Variants in R3HDM2 observed in about 807,000 individuals in gnomAD.
The protein encoded by R3HDM2 is R3H domain containing 2.
In R3HDM2, 38 loss-of-function variants were observed where a neutral mutation model predicts 124.5. The ratio of observed to expected loss-of-function variants is 0.31; its 90% CI spans 0.24 to 0.40. R3HDM2 has a LOEUF of 0.40. R3HDM2 is among the 10% of genes least tolerant of loss of function. R3HDM2 has a pLI of 1.00. For missense variants in R3HDM2, 869 were observed against 1,236.9 expected, an observed-to-expected ratio of 0.70 and a Z score of 4.46; for synonymous variants, 391 against 448.0, an observed-to-expected ratio of 0.87 and a Z score of 1.61.
chr12:57,348,565 A>G (rs1180264388), intron 2 of R3HDM2, among the ~76,000 whole-genome samples: 1 of 152,174 alleles, frequency 6.6e-6, no homozygotes, highest in African/African-American at 2.4e-5. Flanking sequence ...GTGGTGGCAC[A>G]CGCCTGTAAT....
At chr12:57,322,518 T>C (rs868542665) in intron 2 of R3HDM2, among the ~76,000 whole-genome samples, 1 of 152,214 alleles carries the variant, frequency 6.6e-6, no homozygotes, top group Non-Finnish European at 1.5e-5. Context: ...CTTCAACTCA[T>C]ATCCACCAAG....
intron 12 of R3HDM2, among the ~76,000 whole-genome samples, chr12:57,288,378 G>GTCTCTC (rs762285422): frequency 6.6e-6 from 1 of 150,658 alleles, no homozygotes; most frequent in Admixed American, 6.6e-5. Context: ...GTCCGTATAT[G>GTCTCTC]TCTCTCTCTC....
chr12:57,345,137 A>C (rs989128931), intron 2 of R3HDM2, among the ~76,000 whole-genome samples: 1 of 151,364 alleles, frequency 6.6e-6, no homozygotes. Flanking sequence ...ACTGGCCTAA[A>C]AAAATTTCCT....
At chr12:57,385,169 TAAG>T (rs896530806) in intron 2 of R3HDM2, among the ~76,000 whole-genome samples, 3 of 145,348 alleles carry the variant, frequency 2.1e-5, no homozygotes, top group Admixed American at 1.4e-4. Context: ...AACAAACAAA[TAAG>T]AAGAAAAGTA....
intron 1 of R3HDM2, among the ~76,000 whole-genome samples, chr12:57,428,616 C>A (rs1420437925): frequency 6.6e-6 from 1 of 152,062 alleles, no homozygotes; most frequent in Non-Finnish European, 1.5e-5. Flanking sequence ...GATTGCACCA[C>A]TGCGCTCCAC....
intron 1 of R3HDM2, among the ~76,000 whole-genome samples, chr12:57,420,103 A>C (rs914309364): frequency 5.3e-5 from 8 of 152,130 alleles, no homozygotes; most frequent in Non-Finnish European, 1.0e-4. Flanking sequence ...TGAAGGGGAT[A>C]ATAATTCTAC....
chr12:57,386,440 G>A (rs143334404), intron 2 of R3HDM2, among the ~76,000 whole-genome samples: 3 of 152,262 alleles, frequency 2.0e-5, no homozygotes, highest in South Asian at 2.1e-4. Flanking sequence ...GGGCAGTGAG[G>A]GGCTTAGCAC....
intron 2 of R3HDM2, among the ~76,000 whole-genome samples, chr12:57,376,897 G>T (rs1306780831): frequency 6.6e-6 from 1 of 151,738 alleles, no homozygotes; most frequent in Non-Finnish European, 1.5e-5. Flanking sequence ...GTTGCAATGA[G>T]CCGAGATGAC....
chr12:57,305,973 G>C (rs2052485153), intron 3 of R3HDM2, among the ~76,000 whole-genome samples: 1 of 152,300 alleles, frequency 6.6e-6, no homozygotes, highest in South Asian at 2.1e-4. Context: ...GTTTTCAAAG[G>C]CTTCCTAGAG....
Position 57,428,904 on chromosome 12 carries a change from G to A in R3HDM2, c.-106+1816C>T, listed in dbSNP as rs149343617. Among the ~76,000 whole-genome samples, 532 of 151,884 alleles carry A rather than the reference G, an allele frequency of 3.5e-3. 2 individuals carry two copies. Among genetic ancestry groups the A allele is most frequent in the African/African-American group, 0.012 (503 of 41,436 alleles). ...TGAGATTACAGGTGCCTGCCACCAC[G>A]CCTGGCTACTTTTTGTATTTTTAGT... On this transcript the variant is annotated intron_variant, in intron 1 of 23. Coordinates refer to ENST00000402412, the MANE Select transcript of R3HDM2 (RefSeq NM_001394031.1).
chr12:57,287,598 TAC>T (rs1372260603), intron 12 of R3HDM2, among the ~76,000 whole-genome samples: 1 of 152,142 alleles, frequency 6.6e-6, no homozygotes, highest in Admixed American at 6.5e-5. Flanking sequence ...AAAGGACAAC[TAC>T]AGTAGTAGGA....
At chr12:57,346,138 C>A (rs998044857) in intron 2 of R3HDM2, among the ~76,000 whole-genome samples, 7 of 123,336 alleles carry the variant, frequency 5.7e-5, no homozygotes, top group Non-Finnish European at 9.8e-5. Flanking sequence ...GCCTGGGCAA[C>A]AAGAGCAAAA....
chr12:57,288,143 C>G (rs1394370851), intron 12 of R3HDM2, among the ~76,000 whole-genome samples: 1 of 151,608 alleles, frequency 6.6e-6, no homozygotes, highest in African/African-American at 2.4e-5. Flanking sequence ...CTCAGCCTCC[C>G]GAGAGGCACC....
rs1169158953 is a variant in R3HDM2 at position 57,254,734 on chromosome 12, C to T, written c.*39G>A. 6.9e-7 allele frequency: 1 copy of T among 1,456,524 alleles called. No homozygotes were observed. The highest frequency in any genetic ancestry group is 1.3e-5 in the South Asian group (1 of 76,718). 90.2% of individuals were successfully genotyped at this position (1,456,524 alleles called of 1,614,324 possible). ...GATCCTTCAACCCCCTCCACCCTGC[C>T]CTTGCTCCTTCTGTGACAGTCCCTT... On this transcript the variant is annotated 3_prime_UTR_variant, in exon 24 of 24. Coordinates refer to ENST00000402412, the MANE Select transcript of R3HDM2 (RefSeq NM_001394031.1).
intron 1 of R3HDM2, among the ~76,000 whole-genome samples, chr12:57,396,223 T>A (rs2067480339): frequency 6.8e-6 from 1 of 147,052 alleles, no homozygotes; most frequent in South Asian, 2.2e-4. Context: ...GTGGATCACT[T>A]GAGGTCAGGA....
At chr12:57,288,745 A>G (rs149380646) in intron 12 of R3HDM2, 1 of 916,744 alleles carries the variant, frequency 1.1e-6, no homozygotes, top group Admixed American at 2.8e-5. Flanking sequence ...CCACAAATTT[A>G]ATTATTCCAC....
At chr12:57,318,003 G>A (rs1474496759) in intron 2 of R3HDM2, among the ~76,000 whole-genome samples, 9 of 124,506 alleles carry the variant, frequency 7.2e-5, no homozygotes, top group Non-Finnish European at 1.3e-4. Flanking sequence ...AAAAAAAAAA[G>A]GAATGGCTGG....
chr12:57,391,241 C>T (rs1362753438), intron 2 of R3HDM2, among the ~76,000 whole-genome samples: 1 of 152,068 alleles, frequency 6.6e-6, no homozygotes, highest in Non-Finnish European at 1.5e-5. Context: ...CACCATGGAA[C>T]GCTACTCAGC....
intron 3 of R3HDM2, among the ~76,000 whole-genome samples, chr12:57,307,912 T>C (rs2053054573): frequency 1.3e-5 from 2 of 151,954 alleles, no homozygotes; most frequent in Admixed American, 1.3e-4. Context: ...ACTGAATACT[T>C]TGCAAAAGGA....
Sources: allele counts gnomAD v4.1 joint callset (sites outside exome capture counted in the v4.1 genomes callset), GRCh38; gene constraint gnomAD v4.1.1; transcripts MANE v1.5; gene names NCBI Gene and HGNC (gene_info 2026-07-23, HGNC 2026-07-21).